BLOC1S2: variants seen among roughly 807,000 people sequenced by gnomAD.
BLOC1S2 encodes the protein biogenesis of lysosome-related organelles complex 1 subunit 2.
Under a neutral mutation model 19.6 loss-of-function variants are expected in BLOC1S2, and 12 were observed. The observed-to-expected ratio is 0.61, with a 90% CI of 0.39 to 0.99. The LOEUF is 0.99. Ranked by LOEUF, BLOC1S2 falls within the 50% of genes least tolerant of loss-of-function variation. The pLI, the probability that BLOC1S2 is intolerant of heterozygous loss-of-function variation, is 0.00. For missense variants in BLOC1S2, 142 were observed against 171.0 expected, an observed-to-expected ratio of 0.83 and a Z score of 0.95; for synonymous variants, 66 against 64.1, an observed-to-expected ratio of 1.03 and a Z score of -0.14.
At chr10:100,276,355 CTCTCCCG>C (rs1272560186) in intron 4 of BLOC1S2, among the ~76,000 whole-genome samples, 3 of 105,860 alleles carry the variant, frequency 2.8e-5, no homozygotes, top group Admixed American at 8.3e-5. Context: ...TCCCGTCTCC[CTCTCCCG>C]TCTCCCTCTC....
At chr10:100,281,198 T>C (rs1848093302) in intron 2 of BLOC1S2, 145 bp from the exon 3 acceptor site, 1 of 920,256 alleles carries the variant, frequency 1.1e-6, no homozygotes, top group African/African-American at 1.7e-5. Flanking sequence ...CATTTATAAC[T>C]CAGCCTATGT....
chr10:100,286,058 GGCCAAACC>G, intron 2 of BLOC1S2, 31 bp downstream of exon 2: 1 of 1,608,768 alleles, frequency 6.2e-7, no homozygotes, highest in African/African-American at 1.3e-5. Context: ...AGGCCTCCTG[GGCCAAACC>G]GCACCCGAAT....
At chr10:100,280,860 T>TGGGG in intron 3 of BLOC1S2, 74 bp downstream of exon 3, 3 of 1,485,526 alleles carry the variant, frequency 2.0e-6, no homozygotes, top group Non-Finnish European at 2.7e-6. Context: ...TCATGTTCCC[T>TGGGG]CCTCTTCTCC....
chr10:100,283,916 C>A (rs372286803), intron 2 of BLOC1S2, among the ~76,000 whole-genome samples: 2 of 152,260 alleles, frequency 1.3e-5, no homozygotes. Flanking sequence ...ATTCAAACAC[C>A]TAGAAGCCAG....
chr10:100,278,174 CCTACCCGGCCAG>C (rs1179697632), intron 4 of BLOC1S2, among the ~76,000 whole-genome samples: 49 of 142,982 alleles, frequency 3.4e-4, no homozygotes, highest in African/African-American at 3.4e-4. Flanking sequence ...GGGTCAGCCC[CCTACCCGGCCAG>C]CCGCCCCGTC....
At chr10:100,276,632 CCTGCGATTG>C (rs1209011496) in intron 4 of BLOC1S2, among the ~76,000 whole-genome samples, 2 of 150,440 alleles carry the variant, frequency 1.3e-5, no homozygotes, top group East Asian at 3.9e-4. Flanking sequence ...CTGCCGAGTG[CCTGCGATTG>C]CAGGCGCGCG....
intron 2 of BLOC1S2, among the ~76,000 whole-genome samples, chr10:100,281,874 CCATT>C (rs1222223425): frequency 6.6e-6 from 1 of 152,048 alleles, no homozygotes; most frequent in Non-Finnish European, 1.5e-5. Context: ...TTCCCTATCC[CCATT>C]CAAAGCAAAT....
chr10:100,275,435 AG>A lies in BLOC1S2; in HGVS notation c.*26del, dbSNP rs1233133978. On this transcript the variant is annotated 3_prime_UTR_variant, in exon 5 of 5. Transcript: ENST00000370372. ...GACATTCTTCCACATTAAAAAAAAAAGACTCTGTCCCATAGAAATAAGTTTC... is the reference window on the plus strand; with the variant it reads ...GACATTCTTCCACATTAAAAAAAAAAACTCTGTCCCATAGAAATAAGTTTC... The A allele has an allele frequency of 6.4e-7, 1 of 1,572,358 alleles. No homozygotes were observed. The highest frequency in any genetic ancestry group is 1.4e-5 in the African/African-American group (1 of 73,126).
At position 100,280,109 on chromosome 10, in the gene BLOC1S2, A is replaced by G; in HGVS notation, c.397+15T>C. The G allele has an allele frequency of 6.3e-7, 1 of 1,595,072 alleles. No individual in the cohort carries two copies. Among genetic ancestry groups the G allele is most frequent in the Non-Finnish European group, 8.6e-7 (1 of 1,163,898 alleles). ...GCAGTCTTTATTACATCAAAACAGAAGTAAAAACGGTTACCCAGTTTTTTT... is the reference window on the plus strand; with the variant it reads ...GCAGTCTTTATTACATCAAAACAGAGGTAAAAACGGTTACCCAGTTTTTTT... On this transcript the variant is annotated intron_variant, in intron 4 of 4. Transcript: ENST00000370372.
chr10:100,286,452 C>T (rs1235901472), intron 1 of BLOC1S2, 153 bp downstream of exon 1: 2 of 1,480,762 alleles, frequency 1.4e-6, no homozygotes, highest in Admixed American at 2.3e-5. Flanking sequence ...ATCCCAGTCA[C>T]CCTGACAGGA....
At chr10:100,285,664 A>T (rs1848216157) in intron 2 of BLOC1S2, among the ~76,000 whole-genome samples, 1 of 152,212 alleles carries the variant, frequency 6.6e-6, no homozygotes, top group African/African-American at 2.4e-5. Context: ...GACCAAACTA[A>T]TAGGTCCCTA....
intron 2 of BLOC1S2, among the ~76,000 whole-genome samples, chr10:100,282,042 T>C (rs1199132943): frequency 6.6e-6 from 1 of 152,204 alleles, no homozygotes; most frequent in East Asian, 1.9e-4. Context: ...AGTGTTCCTA[T>C]TCTTGCCAAG....
rs760783037 is a variant in BLOC1S2, at chr10:100,275,445, C to T, written c.*17G>A. The T allele has an allele frequency of 3.5e-5, 56 of 1,601,304 alleles. No individual in the cohort carries two copies. The highest frequency in any genetic ancestry group is 6.0e-6 in the Non-Finnish European group (7 of 1,172,570). ...CACATTAAAAAAAAAAGACTCTGTC[C>T]CATAGAAATAAGTTTCTCATCGCTT... On this transcript the variant is annotated 3_prime_UTR_variant, in exon 5 of 5. Transcript: ENST00000370372.
chr10:100,276,413 CTCTCCCTCTCCCG>C (rs1847862738), intron 4 of BLOC1S2, among the ~76,000 whole-genome samples: 1 of 12,354 alleles, frequency 8.1e-5, no homozygotes, highest in Non-Finnish European at 1.6e-4. Context: ...TCCCGTCTCC[CTCTCCCTCTCCCG>C]TCTCCCTCTC....
At chr10:100,275,744 C>CT (rs796245326) in intron 4 of BLOC1S2, among the ~76,000 whole-genome samples, 14 of 152,278 alleles carry the variant, frequency 9.2e-5, no homozygotes, top group Admixed American at 2.6e-4. Flanking sequence ...ACAGCACCTA[C>CT]TTAGACAGCT....
At chr10:100,280,714 G>A (rs1483854142) in intron 3 of BLOC1S2, among the ~76,000 whole-genome samples, 1 of 151,876 alleles carries the variant, frequency 6.6e-6, no homozygotes. Context: ...TCCCATTCCA[G>A]GAATAAACTG....
chr10:100,279,484 C>A (rs1167173287), intron 4 of BLOC1S2, among the ~76,000 whole-genome samples: 2 of 152,094 alleles, frequency 1.3e-5, no homozygotes, highest in Admixed American at 1.3e-4. Flanking sequence ...CCTATAATCC[C>A]AGCACTTTGG....
intron 1 of BLOC1S2, 73 bp from the exon 2 acceptor site, chr10:100,286,286 CAT>C (rs1848236057): frequency 1.3e-6 from 2 of 1,546,396 alleles, no homozygotes; most frequent in East Asian, 4.6e-5. Flanking sequence ...CCTGTTCCGA[CAT>C]CCCTCCACTT....
At chr10:100,280,097 C>T (rs1041579899) in intron 4 of BLOC1S2, 27 bp downstream of exon 4, 1 of 1,566,236 alleles carries the variant, frequency 6.4e-7, no homozygotes, top group Non-Finnish European at 8.8e-7. Flanking sequence ...GTCTTTATTA[C>T]ATCAAAACAG....
Sources: allele counts gnomAD v4.1 joint callset (sites outside exome capture counted in the v4.1 genomes callset), GRCh38; gene constraint gnomAD v4.1.1; transcripts MANE v1.5; gene names NCBI Gene and HGNC (gene_info 2026-07-23, HGNC 2026-07-21).